DLG2: variants seen among roughly 807,000 people sequenced by gnomAD.
DLG2 encodes the protein discs large MAGUK scaffold protein 2.
Under a neutral mutation model 132.5 loss-of-function variants are expected in DLG2, and 45 were observed. That is an observed-to-expected ratio of 0.34 (90% CI 0.27 to 0.44). DLG2 has a LOEUF of 0.44. DLG2 is among the 20% of genes least tolerant of loss of function. The probability of loss-of-function intolerance (pLI) is 1.00; values close to 1 mark genes in which losing one functional copy is unlikely to be tolerated. For missense variants in DLG2, 1,045 were observed against 1,196.9 expected, an observed-to-expected ratio of 0.87 and a Z score of 1.87; for synonymous variants, 424 against 419.6, an observed-to-expected ratio of 1.01 and a Z score of -0.13.
Position 85,021,549 on chromosome 11 carries a change from T to G in DLG2, c.357+90112A>C. 3.1e-6 allele frequency: 5 copies of G among 1,588,588 alleles called. No homozygotes were observed. In the South Asian group the frequency reaches 5.5e-5, roughly 18 times the overall value. On this transcript the variant is annotated intron_variant, in intron 6 of 27. Coordinates refer to ENST00000376104, the MANE Select transcript of DLG2 (RefSeq NM_001142699.3). ...CAATTTTGCCATACTTCGAAAAGAT[T>G]GCCTCCACATCAGATTTCTTGACCA...
At chr11:85,583,130 GTA>G (rs3068386) in intron 3 of DLG2, among the ~76,000 whole-genome samples, 95 of 13,582 alleles carry the variant, frequency 7.0e-3, no homozygotes, top group Admixed American at 0.019. Flanking sequence ...GTGTGTGTGT[GTA>G]TATATATATA....
intron 10 of DLG2, among the ~76,000 whole-genome samples, chr11:84,083,157 G>T (rs1945830): frequency 0.74 from 113,097 of 151,894 alleles, 43,850 homozygotes; most frequent in Middle Eastern, 0.89. Context: ...GCAGGCACCT[G>T]TAATCCCAGC....
intron 2 of DLG2, among the ~76,000 whole-genome samples, chr11:85,612,948 G>C (rs764837639): frequency 1.3e-5 from 2 of 152,118 alleles, no homozygotes; most frequent in Non-Finnish European, 2.9e-5. Flanking sequence ...CAAAACTACC[G>C]AGGCCTAGAC....
At chr11:84,874,623 C>A (rs2086033777) in intron 6 of DLG2, among the ~76,000 whole-genome samples, 1 of 152,072 alleles carries the variant, frequency 6.6e-6, no homozygotes, top group South Asian at 2.1e-4. Context: ...GATGGATTGG[C>A]ATGGAATAAG....
At chr11:84,055,347 A>G (rs12275529) in intron 11 of DLG2, among the ~76,000 whole-genome samples, 15,197 of 152,176 alleles carry the variant, frequency 0.1, 1,005 homozygotes, top group African/African-American at 0.18. Flanking sequence ...TCTTCAATTC[A>G]TTCGCTTCAT....
At chr11:85,050,118 T>TCTCACACACACACACACACACA (rs1555352616) in intron 6 of DLG2, among the ~76,000 whole-genome samples, 1 of 136,738 alleles carries the variant, frequency 7.3e-6, no homozygotes, top group Admixed American at 7.4e-5. Flanking sequence ...CACTGTGTCA[T>TCTCACACACACACACACACACA]CACACACACA....
chr11:83,864,504 C>T (rs1381305594), intron 16 of DLG2, among the ~76,000 whole-genome samples: 1 of 152,154 alleles, frequency 6.6e-6, no homozygotes, highest in African/African-American at 2.4e-5. Context: ...CCTCTTTGAG[C>T]AGTCTAATTC....
chr11:84,897,355 C>A (rs1254523440), intron 6 of DLG2, among the ~76,000 whole-genome samples: 1 of 151,712 alleles, frequency 6.6e-6, no homozygotes. Context: ...CTAGTTTTTG[C>A]AATTATGAAC....
intron 7 of DLG2, among the ~76,000 whole-genome samples, chr11:84,307,753 T>C (rs903817373): frequency 2.0e-5 from 3 of 150,558 alleles, no homozygotes; most frequent in African/African-American, 7.4e-5. Flanking sequence ...TTACAGTTCT[T>C]AAAGGCGGCG....
intron 7 of DLG2, among the ~76,000 whole-genome samples, chr11:84,373,505 G>C (rs939476605): frequency 2.0e-5 from 3 of 151,998 alleles, no homozygotes; most frequent in African/African-American, 7.2e-5. Flanking sequence ...GGGAAGCAGA[G>C]GTTGCAGTGA....
chr11:84,210,907 G>A (rs928224773), intron 8 of DLG2, among the ~76,000 whole-genome samples: 5 of 152,138 alleles, frequency 3.3e-5, no homozygotes, highest in Non-Finnish European at 5.9e-5. Context: ...AGTTTAAAGT[G>A]TTACACAAGC....
intron 6 of DLG2, among the ~76,000 whole-genome samples, chr11:84,905,121 G>A (rs2091360083): frequency 6.6e-6 from 1 of 152,114 alleles, no homozygotes. Flanking sequence ...CCTGGCTTCA[G>A]TGACTCTCCC....
At chr11:84,668,587 C>T (rs779414721) in intron 6 of DLG2, among the ~76,000 whole-genome samples, 12 of 152,092 alleles carry the variant, frequency 7.9e-5, no homozygotes, top group South Asian at 2.1e-4. Context: ...ATCTATTGAA[C>T]GCTTGGATGG....
chr11:83,960,307 A>G (rs2088252557), intron 14 of DLG2, among the ~76,000 whole-genome samples: 1 of 151,922 alleles, frequency 6.6e-6, no homozygotes, highest in Non-Finnish European at 1.5e-5. Flanking sequence ...GTGTTAGGGA[A>G]CTCTGCTAGT....
chr11:84,487,806 G>A (rs1156782623), intron 7 of DLG2, among the ~76,000 whole-genome samples: 1 of 152,094 alleles, frequency 6.6e-6, no homozygotes, highest in East Asian at 1.9e-4. Flanking sequence ...CACTAAAATG[G>A]CATTGAAAAA....
At chr11:85,172,917 A>G (rs1158193848) in intron 4 of DLG2, among the ~76,000 whole-genome samples, 1 of 152,190 alleles carries the variant, frequency 6.6e-6, no homozygotes, top group Non-Finnish European at 1.5e-5. Context: ...CAAAAAAAAT[A>G]GAGAGTAAAG....
chr11:83,711,285 T>A (rs2085356322), intron 18 of DLG2, among the ~76,000 whole-genome samples: 1 of 152,196 alleles, frequency 6.6e-6, no homozygotes, highest in South Asian at 2.1e-4. Context: ...CTATGACCAC[T>A]CTGCTCAGTA....
intron 6 of DLG2, among the ~76,000 whole-genome samples, chr11:84,838,415 A>T (rs777112295): frequency 4.8e-5 from 7 of 145,940 alleles, no homozygotes. Flanking sequence ...AAAAAAAAGG[A>T]GGATGCCATG....
chr11:84,903,979 A>G (rs2091222825), intron 6 of DLG2, among the ~76,000 whole-genome samples: 1 of 152,188 alleles, frequency 6.6e-6, no homozygotes, highest in Non-Finnish European at 1.5e-5. Context: ...AAATGGAGAA[A>G]TACAAATGAC....
Sources: allele counts gnomAD v4.1 joint callset (sites outside exome capture counted in the v4.1 genomes callset), GRCh38; gene constraint gnomAD v4.1.1; transcripts MANE v1.5; gene names NCBI Gene and HGNC (gene_info 2026-07-23, HGNC 2026-07-21).